RTKN2: variants seen among roughly 807,000 people sequenced by gnomAD.
The protein encoded by RTKN2 is rhotekin 2, also known as rhotekin-2.
RTKN2 carries 69 observed loss-of-function variants against 71.5 expected under a neutral mutation model. That is an observed-to-expected ratio of 0.96 (90% CI 0.79 to 1.18). RTKN2 has a LOEUF of 1.18. RTKN2 is among the 50% of genes most tolerant of loss of function. The pLI, the probability that RTKN2 is intolerant of heterozygous loss-of-function variation, is 0.00. For synonymous variants in RTKN2, 236 were observed against 236.5 expected, an observed-to-expected ratio of 1.00 and a Z score of 0.02; for missense variants, 724 against 719.7, an observed-to-expected ratio of 1.01 and a Z score of -0.07.
At chr10:62,229,353 G>A (rs979813750) in intron 6 of RTKN2, among the ~76,000 whole-genome samples, 1 of 152,274 alleles carries the variant, frequency 6.6e-6, no homozygotes, top group South Asian at 2.1e-4. Context: ...CAATCACGGG[G>A]TAGATGGTTG....
In RTKN2 at chr10:62,197,521, T is replaced by C; in HGVS notation, c.*387A>G. The C allele has an allele frequency of 1.0e-6, 1 of 991,950 alleles. No homozygotes were observed. Among genetic ancestry groups the C allele is most frequent in the Admixed American group, 5.9e-5 (1 of 16,976 alleles). The allele number at this position is 991,950 out of a possible 1,614,324, so 61.4% of individuals were successfully genotyped here. A position where few individuals can be genotyped will look rare whatever the true frequency, so the allele number is the denominator to read the frequency against. ...TTGAAACATTCCATTAGTATTAAAA[T>C]TCTCACAATGAGAATATGGTTCATA... is the stretch of plus-strand genomic sequence containing the variant. On this transcript the variant is annotated 3_prime_UTR_variant, in exon 12 of 12. Transcript: ENST00000373789.
Position 62,239,407 on chromosome 10 carries a change from A to G in RTKN2, c.488+241T>C, listed in dbSNP as rs570829148. On this transcript the variant is annotated intron_variant, in intron 5 of 11. Coordinates refer to ENST00000373789, the MANE Select transcript of RTKN2 (RefSeq NM_145307.4). ...ATTTAAAAATGGGTCATATCTAATAAGTCAAATATTTACTGCTAATAGTAA... is the reference window on the plus strand; with the variant it reads ...ATTTAAAAATGGGTCATATCTAATAGGTCAAATATTTACTGCTAATAGTAA... 3 of 292,140 alleles carry G rather than the reference A, an allele frequency of 1.0e-5. No individual in the cohort carries two copies. In the South Asian group the frequency reaches 1.8e-4, roughly 18 times the overall value. The allele number at this position is 292,140 out of a possible 1,614,324, so 18.1% of individuals were successfully genotyped here. A position where few individuals can be genotyped will look rare whatever the true frequency, so the allele number is the denominator to read the frequency against.
chr10:62,232,043 T>C (rs113426463), intron 6 of RTKN2, among the ~76,000 whole-genome samples: 1 of 152,158 alleles, frequency 6.6e-6, no homozygotes, highest in African/African-American at 2.4e-5. Flanking sequence ...ATTTGTGAAA[T>C]GTTGTAAAAG....
At chr10:62,250,484 A>G (rs1040334432) in intron 2 of RTKN2, among the ~76,000 whole-genome samples, 2 of 152,234 alleles carry the variant, frequency 1.3e-5, no homozygotes, top group African/African-American at 4.8e-5. Context: ...TTCCAATAAT[A>G]AAAAACATTC....
At chr10:62,201,817 C>A (rs181925873) in intron 10 of RTKN2, among the ~76,000 whole-genome samples, 25 of 152,214 alleles carry the variant, frequency 1.6e-4, no homozygotes, top group African/African-American at 5.3e-4. Flanking sequence ...GACTTTACGA[C>A]TGAAACATTT....
chr10:62,260,681 T>C (rs1297683731), intron 2 of RTKN2, among the ~76,000 whole-genome samples: 1 of 152,212 alleles, frequency 6.6e-6, no homozygotes, highest in African/African-American at 2.4e-5. Context: ...GGCATTAGGC[T>C]TATTTAATAG....
intron 6 of RTKN2, among the ~76,000 whole-genome samples, chr10:62,228,345 T>A (rs753412050): frequency 2.0e-5 from 3 of 152,108 alleles, no homozygotes; most frequent in Non-Finnish European, 4.4e-5. Context: ...AGGAGAGTGA[T>A]CAATTGTGTT....
intron 7 of RTKN2, among the ~76,000 whole-genome samples, chr10:62,221,606 A>C (rs1007202171): frequency 2.0e-5 from 3 of 152,200 alleles, no homozygotes; most frequent in African/African-American, 7.2e-5. Context: ...TGCATCAAAT[A>C]ACAAAGGTTC....
intron 1 of RTKN2, among the ~76,000 whole-genome samples, chr10:62,266,503 A>C (rs1419625591): frequency 1.2e-4 from 19 of 152,158 alleles, no homozygotes; most frequent in Admixed American, 1.0e-3. Flanking sequence ...TGTACAGAAA[A>C]AAGTCTGGAA....
At chr10:62,238,670 C>T (rs1564518709) in intron 5 of RTKN2, 1 of 151,856 alleles carries the variant, frequency 6.6e-6, no homozygotes, top group Non-Finnish European at 1.5e-5. Flanking sequence ...TGTAAGAAGG[C>T]CTGAATTACT....
intron 10 of RTKN2, among the ~76,000 whole-genome samples, chr10:62,203,805 A>G (rs1364804211): frequency 1.3e-5 from 2 of 152,182 alleles, no homozygotes; most frequent in Non-Finnish European, 2.9e-5. Flanking sequence ...TGAAACAGAA[A>G]CCTCTTCAGG....
chr10:62,198,459 G>T lies in RTKN2; in HGVS notation c.1295-16C>A. ...GAATCAATGCCTATAATAATTTTAA[G>T]AAAAAAAAACATGAAAAAATTCAAA... is the stretch of plus-strand genomic sequence containing the variant. On this transcript the variant is annotated splice_polypyrimidine_tract_variant and intron_variant, in intron 11 of 11. Coordinates refer to ENST00000373789, the MANE Select transcript of RTKN2 (RefSeq NM_145307.4). 7.4e-7 allele frequency: 1 copy of T among 1,359,664 alleles called. No individual in the cohort carries two copies. The highest frequency in any genetic ancestry group is 1.5e-5 in the South Asian group (1 of 66,816). 84.2% of individuals were successfully genotyped at this position (1,359,664 alleles called of 1,614,324 possible).
chr10:62,198,322 T>C lies in RTKN2; in HGVS notation c.1416A>G (p.Thr472=), dbSNP rs775135014. ...CCATTTGATGGTTACCATCAAAGAG[T>C]GTGGCCCAAGGAGGTGGTAAGGATT... ...HEESLPPPWA[T]LFDGNHQMVI... Residue 472 remains threonine (T), a synonymous_variant, in exon 12 of 12, where the codon ACA becomes ACG. Coordinates refer to ENST00000373789, the MANE Select transcript of RTKN2 (RefSeq NM_145307.4). 5 of 1,613,606 alleles carry C rather than the reference T, an allele frequency of 3.1e-6. No individual in the cohort carries two copies. Among genetic ancestry groups the C allele is most frequent in the Non-Finnish European group, 4.2e-6 (5 of 1,179,822 alleles).
At position 62,195,197 on chromosome 10, in the gene RTKN2, T is replaced by C. The variant is rs1322193863; in HGVS notation, c.*2711A>G. 12 of 977,716 alleles carry C rather than the reference T, an allele frequency of 1.2e-5. No individual in the cohort carries two copies. Among genetic ancestry groups the C allele is most frequent in the Non-Finnish European group, 1.3e-5 (11 of 822,982 alleles). 60.6% of individuals were successfully genotyped at this position (977,716 alleles called of 1,614,324 possible). ...TTAGATCATCAGAATTATCATATCA[T>C]AAAATATCTATTCTGTTTCCCCAAT... On this transcript the variant is annotated 3_prime_UTR_variant, in exon 12 of 12. Coordinates refer to ENST00000373789, the MANE Select transcript of RTKN2 (RefSeq NM_145307.4).
In RTKN2 at chr10:62,222,870, T is replaced by A. The variant is rs541907575; in HGVS notation, c.781+368A>T. 2.7e-3 allele frequency among the ~76,000 whole-genome samples: 411 copies of A among 152,332 alleles called. 1 individual carries two copies. Among genetic ancestry groups the A allele is most frequent in the African/African-American group, 9.4e-3 (389 of 41,566 alleles). On this transcript the variant is annotated intron_variant, in intron 7 of 11. Transcript: ENST00000373789. ...GAAAAAAGTTAAGATAATTTAACCC[T>A]TTCTCTTTCTTACATTCTCTGCTTC...
intron 2 of RTKN2, among the ~76,000 whole-genome samples, chr10:62,247,198 C>T (rs1393271500): frequency 6.6e-6 from 1 of 151,934 alleles, no homozygotes; most frequent in Non-Finnish European, 1.5e-5. Context: ...CAGCAACACA[C>T]TGCTTTCAGT....
intron 6 of RTKN2, among the ~76,000 whole-genome samples, chr10:62,227,005 G>T (rs182667897): frequency 2.6e-5 from 4 of 152,096 alleles, no homozygotes; most frequent in Non-Finnish European, 5.9e-5. Flanking sequence ...ACATTATAAC[G>T]TTTCCCACTT....
At chr10:62,246,269 T>C (rs1164993402) in intron 2 of RTKN2, among the ~76,000 whole-genome samples, 1 of 152,140 alleles carries the variant, frequency 6.6e-6, no homozygotes, top group East Asian at 1.9e-4. Context: ...CGATTTTTCA[T>C]ATAAACTTTA....
intron 2 of RTKN2, among the ~76,000 whole-genome samples, chr10:62,255,088 TTCTG>T (rs1842650266): frequency 6.6e-6 from 1 of 152,222 alleles, no homozygotes. Flanking sequence ...CTTTCAACTT[TTCTG>T]TATGTTGGAA....
Sources: gnomAD v4.1 joint callset for allele counts (sites outside exome capture counted in the v4.1 genomes callset) on GRCh38, gnomAD v4.1.1 for gene constraint, MANE v1.5 for transcripts, NCBI Gene and HGNC (gene_info 2026-07-23, HGNC 2026-07-21) for gene names.